COMMD6: variants seen among roughly 807,000 people sequenced by gnomAD.
COMMD6 encodes the protein COMM domain containing 6, also known as COMM domain-containing protein 6.
COMMD6 carries 11 observed loss-of-function variants against 13.4 expected under a neutral mutation model. The ratio of observed to expected loss-of-function variants is 0.82; its 90% CI spans 0.52 to 1.36. The LOEUF (loss-of-function observed/expected upper bound fraction) is 1.36, where lower values mean the gene tolerates loss of function less well. Ranked by LOEUF, COMMD6 falls within the 40% of genes most tolerant of loss-of-function variation. The probability of loss-of-function intolerance (pLI) is 0.00; values close to 1 mark genes in which losing one functional copy is unlikely to be tolerated. For missense variants in COMMD6, 124 were observed against 102.4 expected, an observed-to-expected ratio of 1.21 and a Z score of -0.91; for synonymous variants, 43 against 36.5, an observed-to-expected ratio of 1.18 and a Z score of -0.64.
chr13:75,529,382 A>G (rs911639414), intron 3 of COMMD6, among the ~76,000 whole-genome samples: 24 of 151,972 alleles, frequency 1.6e-4, no homozygotes, highest in African/African-American at 4.1e-4. Context: ...TTAGCCAGGC[A>G]TGGTGGTGGG....
In COMMD6 at chr13:75,526,530, C is replaced by A; in HGVS notation, c.*59G>T. 4 of 1,157,830 alleles carry A rather than the reference C, an allele frequency of 3.5e-6. No homozygotes were observed. In the South Asian group the frequency reaches 6.2e-5, roughly 18 times the overall value. The allele number at this position is 1,157,830 out of a possible 1,614,324, so 71.7% of individuals were successfully genotyped here. ...GTTCCATCCTTATTTAGTTTTGTTGCCGAAAGTGAAGTCCATGACTTTAGA... is the reference window on the plus strand; with the variant it reads ...GTTCCATCCTTATTTAGTTTTGTTGACGAAAGTGAAGTCCATGACTTTAGA... On this transcript the variant is annotated 3_prime_UTR_variant, in exon 4 of 4. Coordinates refer to ENST00000682242, the MANE Select transcript of COMMD6 (RefSeq NM_203495.4).
intron 3 of COMMD6, among the ~76,000 whole-genome samples, chr13:75,528,632 A>G (rs1234389370): frequency 2.0e-5 from 3 of 152,140 alleles, no homozygotes; most frequent in Middle Eastern, 3.2e-3. Context: ...AACTGAGGTC[A>G]GGAGTTTCAG....
upstream of COMMD6, chr13:75,549,435 AG>A (rs1017130670): frequency 8.2e-6 from 2 of 243,286 alleles, no homozygotes; most frequent in Non-Finnish European, 1.6e-5. Context: ...TGACACTGCA[AG>A]AATGGGAAGG....
intron 2 of COMMD6, among the ~76,000 whole-genome samples, chr13:75,534,294 G>A (rs954072582): frequency 6.6e-6 from 1 of 152,182 alleles, no homozygotes; most frequent in Non-Finnish European, 1.5e-5. Context: ...GGCGTGCAAT[G>A]CTAAGTTCCA....
intron 1 of COMMD6, among the ~76,000 whole-genome samples, chr13:75,548,884 G>A (rs2030966366): frequency 6.6e-6 from 1 of 152,158 alleles, no homozygotes; most frequent in Non-Finnish European, 1.5e-5. Context: ...TGTCTTGACC[G>A]GGTTGCCTCT....
intron 1 of COMMD6, among the ~76,000 whole-genome samples, chr13:75,548,925 C>T (rs1461321945): frequency 6.6e-6 from 1 of 152,168 alleles, no homozygotes; most frequent in Non-Finnish European, 1.5e-5. Context: ...CTCTAATCAG[C>T]ACCCTTTACT....
intron 3 of COMMD6, among the ~76,000 whole-genome samples, chr13:75,529,544 A>G (rs1187250140): frequency 2.4e-5 from 3 of 122,990 alleles, no homozygotes; most frequent in Non-Finnish European, 5.2e-5. Context: ...AAAAAAAAAA[A>G]AAAGAAAACC....
At chr13:75,535,610 G>A (rs2030638187) in intron 2 of COMMD6, among the ~76,000 whole-genome samples, 2 of 152,200 alleles carry the variant, frequency 1.3e-5, no homozygotes, top group Non-Finnish European at 2.9e-5. Flanking sequence ...TTAGGCACTG[G>A]TTTCTGTGGA....
chr13:75,531,927 A>G (rs1202360747), intron 2 of COMMD6, among the ~76,000 whole-genome samples: 3 of 152,262 alleles, frequency 2.0e-5, no homozygotes, highest in South Asian at 2.1e-4. Flanking sequence ...TTTATTCATA[A>G]TAGCCCTAAA....
intron 1 of COMMD6, among the ~76,000 whole-genome samples, chr13:75,547,283 G>A (rs2030918792): frequency 6.6e-6 from 1 of 151,966 alleles, no homozygotes; most frequent in Non-Finnish European, 1.5e-5. Flanking sequence ...AGAAGGCAGA[G>A]TATCACCTTG....
At chr13:75,531,667 T>C (rs2030483833) in intron 2 of COMMD6, among the ~76,000 whole-genome samples, 1 of 152,202 alleles carries the variant, frequency 6.6e-6, no homozygotes, top group South Asian at 2.1e-4. Flanking sequence ...TAGATACCAC[T>C]ACACAGCTAC....
At chr13:75,540,799 A>G (rs2030815813), upstream of COMMD6, among the ~76,000 whole-genome samples, 1 of 152,256 alleles carries the variant, frequency 6.6e-6, no homozygotes, top group Non-Finnish European at 1.5e-5. Context: ...GAGCTCTTAC[A>G]GTAAGCCTAG....
intron 1 of COMMD6, among the ~76,000 whole-genome samples, chr13:75,546,624 G>A (rs548968679): frequency 1.3e-5 from 2 of 152,306 alleles, no homozygotes; most frequent in African/African-American, 4.8e-5. Flanking sequence ...AGGAAATAGC[G>A]ATAAACCTTT....
chr13:75,549,431 T>C, upstream of COMMD6: 1 of 241,744 alleles, frequency 4.1e-6, no homozygotes, highest in Non-Finnish European at 7.9e-6. Flanking sequence ...CGGTTGACAC[T>C]GCAAGAATGG....
Position 75,534,432 on chromosome 13 carries a change from T to C in COMMD6, c.54+3232A>G, listed in dbSNP as rs549841689. 2.6e-5 allele frequency among the ~76,000 whole-genome samples: 4 copies of C among 152,344 alleles called. No individual in the cohort carries two copies. The South Asian group carries it at 8.3e-4, about 32-fold the overall frequency. On this transcript the variant is annotated intron_variant, in intron 2 of 3. Transcript: ENST00000682242. ...GTTTATGAGATGAGAGTTTCCAAAA[T>C]TCTAACCTCAACAGTTAAATGCAAA...
chr13:75,537,584 G>A (rs1018104925), intron 2 of COMMD6, 80 bp downstream of exon 2: 113 of 1,607,368 alleles, frequency 7.0e-5, no homozygotes, highest in Middle Eastern at 1.8e-4. Flanking sequence ...GGGAGACCTG[G>A]GGAAGGCTCA....
At position 75,526,625 on chromosome 13, in the gene COMMD6, C is replaced by T. The variant is rs753567573; in HGVS notation, c.222G>A (p.Gln74=). The change falls in exon 4 of 4, where the codon CAG becomes CAA. Residue 74 remains glutamine, a synonymous_variant. Transcript: ENST00000682242. ...CAATAACTGCAGCAATTTCCTTGAA[C>T]TGTCTGTAGAAATTCTGGAGAGAAA... is the stretch of plus-strand genomic sequence containing the variant. ...TIPQFQNFYR[Q]FKEIAAVIET... is the part of the protein sequence containing the mutation. The T allele has an allele frequency of 1.2e-6, 2 of 1,604,814 alleles. No homozygotes were observed. The highest frequency in any genetic ancestry group is 1.3e-5 in the African/African-American group (1 of 74,732).
intron 2 of COMMD6, chr13:75,530,505 G>C: frequency 6.9e-6 from 2 of 290,688 alleles, no homozygotes; most frequent in African/African-American, 2.2e-5. Context: ...AAAACAAAAA[G>C]TGAAAAAAAA....
At chr13:75,537,189 G>A (rs1181960722) in intron 2 of COMMD6, among the ~76,000 whole-genome samples, 1 of 152,216 alleles carries the variant, frequency 6.6e-6, no homozygotes, top group African/African-American at 2.4e-5. Flanking sequence ...CAACAGCACA[G>A]CAGCACTTGA....
Sources: allele counts gnomAD v4.1 joint callset (sites outside exome capture counted in the v4.1 genomes callset), GRCh38; gene constraint gnomAD v4.1.1; transcripts MANE v1.5; gene names NCBI Gene and HGNC (gene_info 2026-07-23, HGNC 2026-07-21).